Variants in BSPH1 observed in about 807,000 individuals in gnomAD.
BSPH1 encodes the protein binder of sperm 1.
Under a neutral mutation model 22.5 loss-of-function variants are expected in BSPH1, and 21 were observed. The observed-to-expected ratio is 0.93, with a 90% CI of 0.66 to 1.35. BSPH1 has a LOEUF of 1.35. Among genes scored for constraint, BSPH1 ranks in the 40% most tolerant of loss-of-function variants. The pLI is 0.00. For synonymous variants in BSPH1, 42 were observed against 53.6 expected, an observed-to-expected ratio of 0.78 and a Z score of 0.95; for missense variants, 141 against 154.2, an observed-to-expected ratio of 0.91 and a Z score of 0.45.
downstream of BSPH1, among the ~76,000 whole-genome samples, chr19:47,967,497 A>T (rs1343354596): frequency 6.6e-6 from 1 of 152,204 alleles, no homozygotes; most frequent in Non-Finnish European, 1.5e-5. Flanking sequence ...TCAAGGTGAC[A>T]TCAAGGTTGG....
chr19:47,984,372 T>C (rs943924501), intron 1 of BSPH1, among the ~76,000 whole-genome samples: 2 of 151,846 alleles, frequency 1.3e-5, no homozygotes, highest in Admixed American at 1.3e-4. Context: ...GACAAAGCTA[T>C]GCACTGGAAA....
intron 1 of BSPH1, among the ~76,000 whole-genome samples, chr19:47,987,049 A>C (rs1198038628): frequency 6.6e-6 from 1 of 152,206 alleles, no homozygotes; most frequent in Non-Finnish European, 1.5e-5. Context: ...TAAAGATACC[A>C]GTCATTGGAT....
chr19:47,978,001 GATATATATATATAT>G (rs10609973), intron 3 of BSPH1, among the ~76,000 whole-genome samples: 2 of 110,452 alleles, frequency 1.8e-5, no homozygotes, highest in Admixed American at 1.9e-4. Flanking sequence ...GTTAATACAG[GATATATATATATAT>G]ATATATATAT....
At chr19:47,987,374 C>T (rs181214747) in intron 1 of BSPH1, among the ~76,000 whole-genome samples, 2 of 149,062 alleles carry the variant, frequency 1.3e-5, no homozygotes, top group African/African-American at 2.5e-5. Context: ...ACTACATGTA[C>T]TTAGTACTTA....
At chr19:47,972,308 GT>G (rs1600083572) in intron 5 of BSPH1, among the ~76,000 whole-genome samples, 1 of 146,768 alleles carries the variant, frequency 6.8e-6, no homozygotes, top group East Asian at 2.0e-4. Flanking sequence ...TAACTTTTAG[GT>G]TCAGGATACA....
chr19:47,975,868 G>T (rs1397279079), intron 5 of BSPH1, among the ~76,000 whole-genome samples: 5 of 151,658 alleles, frequency 3.3e-5, no homozygotes, highest in Non-Finnish European at 7.4e-5. Context: ...TGTTAGCCAG[G>T]ACGGTCTCGA....
At chr19:47,975,796 C>T (rs556625780) in intron 5 of BSPH1, among the ~76,000 whole-genome samples, 2 of 152,088 alleles carry the variant, frequency 1.3e-5, no homozygotes. Flanking sequence ...GCTGGGACTA[C>T]AGGCACCCGC....
intron 5 of BSPH1, among the ~76,000 whole-genome samples, chr19:47,976,049 G>A (rs1377635810): frequency 6.6e-6 from 1 of 152,180 alleles, no homozygotes; most frequent in Non-Finnish European, 1.5e-5. Context: ...TGTACACATA[G>A]CCACTGTGTT....
intron 1 of BSPH1, among the ~76,000 whole-genome samples, chr19:47,990,011 C>T (rs746311404): frequency 8.0e-5 from 12 of 149,130 alleles, no homozygotes; most frequent in Non-Finnish European, 1.3e-4. Context: ...CCCAGCTACT[C>T]GGGAGGCTGA....
chr19:47,973,074 T>G (rs11881130), intron 5 of BSPH1, among the ~76,000 whole-genome samples: 10,955 of 150,502 alleles, frequency 0.073, 665 homozygotes, highest in African/African-American at 0.16. Context: ...AAAATTAGCC[T>G]GGCGTGGTGG....
At chr19:47,981,662 C>A (rs1310855390) in intron 1 of BSPH1, 3 of 649,402 alleles carry the variant, frequency 4.6e-6, no homozygotes, top group Non-Finnish European at 5.7e-6. Context: ...CAACCATCTG[C>A]CCTCAGTTTA....
intron 5 of BSPH1, among the ~76,000 whole-genome samples, chr19:47,975,845 C>T (rs1969357501): frequency 1.3e-5 from 2 of 151,796 alleles, no homozygotes; most frequent in Admixed American, 6.6e-5. Flanking sequence ...TTAGAAGAGA[C>T]GGGGTTTCAC....
At chr19:47,990,062 T>C (rs1054317170) in intron 1 of BSPH1, among the ~76,000 whole-genome samples, 13 of 139,186 alleles carry the variant, frequency 9.3e-5, no homozygotes. Context: ...GAGGTTGCGG[T>C]GAGCCGAGAT....
intron 5 of BSPH1, among the ~76,000 whole-genome samples, chr19:47,968,808 G>A (rs1969282339): frequency 6.6e-6 from 1 of 151,528 alleles, no homozygotes; most frequent in Non-Finnish European, 1.5e-5. Context: ...TGACCAACCT[G>A]GGCAACACTG....
intron 5 of BSPH1, among the ~76,000 whole-genome samples, chr19:47,970,351 G>A (rs749744668): frequency 7.9e-5 from 12 of 152,140 alleles, no homozygotes; most frequent in Non-Finnish European, 1.5e-4. Context: ...GAACGACTGC[G>A]CCTGGTCAAC....
rs1399637711 is a variant in BSPH1 at position 47,976,825 on chromosome 19, A to G, written c.286T>C (p.Tyr96His). ...DFANCVFPFWYRRLIYWECTD... is the reference protein window; with the variant it reads ...DFANCVFPFWHRRLIYWECTD... ...CACTCCCAGTAGATCAAGCGTCTGT[A>G]CCAGAAGGGAAATACACAGTTTGCA... Residue 96 changes from tyrosine to histidine, a missense_variant, in exon 5 of 6, where the codon TAC becomes CAC. Coordinates refer to ENST00000344839, the MANE Select transcript of BSPH1 (RefSeq NM_001128326.2). 6.4e-7 allele frequency: 1 copy of G among 1,551,684 alleles called. No homozygotes were observed. The highest frequency in any genetic ancestry group is 1.2e-5 in the South Asian group (1 of 84,028).
chr19:47,989,899 A>C (rs1346756535), intron 1 of BSPH1, among the ~76,000 whole-genome samples: 2 of 152,002 alleles, frequency 1.3e-5, no homozygotes, highest in Non-Finnish European at 2.9e-5. Context: ...TGGGTGAATC[A>C]CCGAAGATCA....
At chr19:47,988,692 A>G (rs1969494369) in intron 1 of BSPH1, among the ~76,000 whole-genome samples, 1 of 152,156 alleles carries the variant, frequency 6.6e-6, no homozygotes, top group Admixed American at 6.6e-5. Context: ...ACCGCACCAA[A>G]GCCTGAACTG....
intron 1 of BSPH1, among the ~76,000 whole-genome samples, chr19:47,986,117 C>T (rs1010742615): frequency 2.6e-5 from 4 of 152,138 alleles, no homozygotes; most frequent in Admixed American, 1.3e-4. Context: ...GCCTCCCTAT[C>T]GTGGGGAATT....
Sources: allele counts gnomAD v4.1 joint callset (sites outside exome capture counted in the v4.1 genomes callset), GRCh38; gene constraint gnomAD v4.1.1; transcripts MANE v1.5; gene names NCBI Gene and HGNC (gene_info 2026-07-23, HGNC 2026-07-21).